The following ZNF71 variants were observed in gnomAD, a reference collection of about 807,000 sequenced individuals.
The protein encoded by ZNF71 is endothelial zinc finger protein induced by tumor necrosis factor alpha.
A neutral mutation model predicts 6.7 loss-of-function variants in ZNF71; 3 were observed. That is an observed-to-expected ratio of 0.45 (90% CI 0.20 to 1.16). The LOEUF is 1.16. Ranked by LOEUF, ZNF71 falls within the 50% of genes most tolerant of loss-of-function variation. The pLI, the probability that ZNF71 is intolerant of heterozygous loss-of-function variation, is 0.25. For synonymous variants in ZNF71, 343 were observed against 311.1 expected (o/e 1.10, Z -1.08); for missense variants, 688 against 728.6 (o/e 0.94, Z 0.64).
chr19:56,595,645 G>A (rs77283606), intron 1 of ZNF71, among the ~76,000 whole-genome samples: 5,974 of 152,160 alleles, frequency 0.039, 278 homozygotes, highest in African/African-American at 0.11. Context: ...TAGGAAAGTT[G>A]CATGAACACG....
chr19:56,616,910 A>G (rs2044797015), intron 3 of ZNF71, among the ~76,000 whole-genome samples: 1 of 152,136 alleles, frequency 6.6e-6, no homozygotes, highest in Non-Finnish European at 1.5e-5. Flanking sequence ...ATTGCCTGAT[A>G]TTCAATGTCT....
At position 56,621,298 on chromosome 19, in the gene ZNF71, T is replaced by G. The variant is rs2044843625; in HGVS notation, c.191T>G (p.Leu64Trp). ...DWETRPEMKE[L>W]DPKNDISEDK... ...GAGACTAGACCTGAAATGAAAGAGT[T>G]GGATCCAAAGAATGACATTTCGGAA... Residue 64 changes from leucine to tryptophan, a missense_variant, in exon 4 of 4, where the codon TTG (leucine) becomes TGG (tryptophan). Physicochemically the swap from Leu to Trp is moderately conservative, Grantham distance 61. Coordinates refer to ENST00000599599, the MANE Select transcript of ZNF71 (RefSeq NM_001370215.1). 1.3e-6 allele frequency: 2 copies of G among 1,520,444 alleles called. No homozygotes were observed. The highest frequency in any genetic ancestry group is 1.4e-5 in the African/African-American group (1 of 71,740). 94.2% of individuals were successfully genotyped at this position (1,520,444 alleles called of 1,614,324 possible).
At chr19:56,602,726 A>C (rs951912606) in intron 2 of ZNF71, among the ~76,000 whole-genome samples, 2 of 152,258 alleles carry the variant, frequency 1.3e-5, no homozygotes, top group Admixed American at 6.5e-5. Context: ...TAAAGACTTT[A>C]CAGAAGCAAA....
chr19:56,613,116 G>A lies in ZNF71; in HGVS notation c.34-696G>A, dbSNP rs528978168. On this transcript the variant is annotated intron_variant, in intron 2 of 3. Transcript: ENST00000599599. The surrounding 1 kb of genome is among the most constrained non-coding windows in gnomAD (Gnocchi z 4.6). Reference sequence around the variant, plus strand: ...AGGCTTGTGACATCTACCACAAAGTGCTGCTCCTTCCACGTGGACTTCTCT... The same window carrying A: ...AGGCTTGTGACATCTACCACAAAGTACTGCTCCTTCCACGTGGACTTCTCT... 6.6e-6 allele frequency among the ~76,000 whole-genome samples: 1 copy of A among 152,260 alleles called. No individual in the cohort carries two copies. The highest frequency in any genetic ancestry group is 2.1e-4 in the South Asian group (1 of 4,824).
intron 2 of ZNF71, among the ~76,000 whole-genome samples, chr19:56,607,531 A>AT (rs139778200): frequency 0.019 from 2,941 of 152,264 alleles, 87 homozygotes; most frequent in African/African-American, 0.066. Context: ...AGATGCTGTT[A>AT]TCCCCTTTTA....
intron 2 of ZNF71, among the ~76,000 whole-genome samples, chr19:56,609,402 C>T (rs945116791): frequency 6.6e-6 from 1 of 152,048 alleles, no homozygotes; most frequent in African/African-American, 2.4e-5. Context: ...AAAATTTTTA[C>T]CACTCCAAAA....
At chr19:56,606,487 A>C (rs529361001) in intron 2 of ZNF71, among the ~76,000 whole-genome samples, 1 of 152,268 alleles carries the variant, frequency 6.6e-6, no homozygotes, top group South Asian at 2.1e-4. Flanking sequence ...TCAGAACTTA[A>C]TGGCTCAAAA....
intron 3 of ZNF71, among the ~76,000 whole-genome samples, chr19:56,617,075 T>C (rs972387209): frequency 6.6e-6 from 1 of 151,910 alleles, no homozygotes; most frequent in African/African-American, 2.4e-5. Context: ...CTGTTAACTC[T>C]GGTGAGTAAG....
intron 3 of ZNF71, among the ~76,000 whole-genome samples, chr19:56,615,777 A>ATT (rs2044786567): frequency 6.6e-6 from 1 of 152,054 alleles, no homozygotes. Context: ...TCTGACTCTA[A>ATT]AGTTTTTAAT....
chr19:56,617,493 T>C (rs2044805278), intron 3 of ZNF71, among the ~76,000 whole-genome samples: 1 of 132,160 alleles, frequency 7.6e-6, no homozygotes, highest in Non-Finnish European at 1.5e-5. Context: ...ACTGAAAAAG[T>C]GTGAAGGACG....
chr19:56,621,169 T>C (rs539063222), intron 3 of ZNF71, 99 bp from the exon 4 acceptor site: 47 of 1,226,912 alleles, frequency 3.8e-5, no homozygotes, highest in Middle Eastern at 2.7e-4. Context: ...TTGGGCCTCA[T>C]TGGGGTCGGT....
intron 3 of ZNF71, among the ~76,000 whole-genome samples, chr19:56,616,078 T>G: frequency 6.6e-6 from 1 of 152,200 alleles, no homozygotes; most frequent in East Asian, 1.9e-4. Context: ...TTATCAATTT[T>G]TTTTGGTTTT....
Position 56,622,634 on chromosome 19 carries a change from G to C in ZNF71, c.1527G>C (p.Lys509Asn), listed in dbSNP as rs989269001. 6.2e-7 allele frequency: 1 copy of C among 1,613,880 alleles called. No individual in the cohort carries two copies. Among genetic ancestry groups the C allele is most frequent in the Non-Finnish European group, 8.5e-7 (1 of 1,179,950 alleles). ...RCGQCGKSFIKNSSLTVHQRI... is the reference protein window; with the variant it reads ...RCGQCGKSFINNSSLTVHQRI... ...GCCAGTGCGGGAAGTCCTTCATCAA[G>C]AACTCCTCCCTCACTGTGCACCAGC... The change falls in exon 4 of 4, where the codon AAG becomes AAC. Residue 509 changes from lysine to asparagine, a missense_variant. Lys to Asn is a moderately conservative substitution (Grantham distance 94, BLOSUM62 0). Transcript: ENST00000599599.
At chr19:56,607,290 T>C (rs2044717281) in intron 2 of ZNF71, among the ~76,000 whole-genome samples, 1 of 152,088 alleles carries the variant, frequency 6.6e-6, no homozygotes. Flanking sequence ...AGTATGAGAG[T>C]TGTATGCTCA....
At chr19:56,604,883 A>G (rs1436828913) in intron 2 of ZNF71, among the ~76,000 whole-genome samples, 1 of 152,186 alleles carries the variant, frequency 6.6e-6, no homozygotes, top group Non-Finnish European at 1.5e-5. Flanking sequence ...GTCAGTAACA[A>G]TAGCTGGCAC....
chr19:56,617,062 A>G (rs889533639), intron 3 of ZNF71, among the ~76,000 whole-genome samples: 3 of 152,044 alleles, frequency 2.0e-5, no homozygotes, highest in East Asian at 1.9e-4. Flanking sequence ...AATATAAACC[A>G]AACTGTTAAC....
intron 2 of ZNF71, among the ~76,000 whole-genome samples, chr19:56,608,944 T>C (rs1408896505): frequency 6.6e-6 from 1 of 152,174 alleles, no homozygotes; most frequent in Non-Finnish European, 1.5e-5. Context: ...TAATTGGCCA[T>C]GGGGGTAGGC....
At chr19:56,620,210 G>A (rs1003588803) in intron 3 of ZNF71, among the ~76,000 whole-genome samples, 1 of 152,208 alleles carries the variant, frequency 6.6e-6, no homozygotes, top group African/African-American at 2.4e-5. Context: ...CAGGGCAGGT[G>A]CGTGATGAGC....
intron 2 of ZNF71, among the ~76,000 whole-genome samples, chr19:56,607,721 C>G (rs573272800): frequency 1.5e-4 from 23 of 152,334 alleles, no homozygotes; most frequent in African/African-American, 5.5e-4. Context: ...AAAACACTCA[C>G]CCCCCTGTAT....
Sources: allele counts gnomAD v4.1 joint callset (sites outside exome capture counted in the v4.1 genomes callset), GRCh38; gene constraint gnomAD v4.1.1; non-coding constraint Gnocchi (gnomAD v3.1); transcripts MANE v1.5; gene names NCBI Gene and HGNC (gene_info 2026-07-23, HGNC 2026-07-21).